Variants in FRY observed in about 807,000 individuals in gnomAD.
The protein encoded by FRY is protein furry homolog.
FRY carries 128 observed loss-of-function variants against 348.4 expected under a neutral mutation model. The observed-to-expected ratio is 0.37, with a 90% CI of 0.32 to 0.43. FRY has a LOEUF of 0.43. FRY is among the 20% of genes least tolerant of loss of function. FRY has a pLI of 1.00. For synonymous variants in FRY, 1,370 were observed against 1,374.7 expected, an observed-to-expected ratio of 1.00 and a Z score of 0.08; for missense variants, 2,736 against 3,695.2, an observed-to-expected ratio of 0.74 and a Z score of 6.73.
At chr13:32,254,846 A>G (rs1374214897) in intron 51 of FRY, among the ~76,000 whole-genome samples, 1 of 152,222 alleles carries the variant, frequency 6.6e-6, no homozygotes, top group Non-Finnish European at 1.5e-5. Context: ...CTGAGGGATC[A>G]AACATTTTTG....
At chr13:32,236,927 T>A (rs185407557) in intron 43 of FRY, among the ~76,000 whole-genome samples, 1 of 152,270 alleles carries the variant, frequency 6.6e-6, no homozygotes, top group African/African-American at 2.4e-5. Context: ...TTAGAAATAA[T>A]TTTTCTTAAA....
At chr13:32,170,566 T>TA (rs1882000152) in intron 17 of FRY, among the ~76,000 whole-genome samples, 1 of 152,246 alleles carries the variant, frequency 6.6e-6, no homozygotes, top group Non-Finnish European at 1.5e-5. Flanking sequence ...AGATGGAGTT[T>TA]AACTCTGTTG....
At position 32,237,332 on chromosome 13, in the gene FRY, G is replaced by A. The variant is rs1364690802; in HGVS notation, c.5811-47G>A. 6.2e-7 allele frequency: 1 copy of A among 1,603,386 alleles called. No individual in the cohort carries two copies. The highest frequency in any genetic ancestry group is 8.5e-7 in the Non-Finnish European group (1 of 1,175,160). On this transcript the variant is annotated intron_variant, in intron 43 of 60. Coordinates refer to ENST00000542859, the MANE Select transcript of FRY (RefSeq NM_023037.3). This position sits in a 1 kb window ranked among gnomAD's most constrained non-coding sequence, Gnocchi z 6.3. Reference sequence around the variant, plus strand: ...GTGGACTTGAAAGGACTGGCTTTTGGTGACACATGTTGGCATCCTATTAAA... The same window carrying A: ...GTGGACTTGAAAGGACTGGCTTTTGATGACACATGTTGGCATCCTATTAAA...
At position 32,237,613 on chromosome 13, in the gene FRY, C is replaced by G. The variant is rs775357769; in HGVS notation, c.6045C>G (p.Ser2015=). The G allele has an allele frequency of 2.0e-5, 32 of 1,614,146 alleles. No individual in the cohort carries two copies. The highest frequency in any genetic ancestry group is 2.6e-5 in the Non-Finnish European group (31 of 1,180,020). Residue 2015 remains serine (S), a synonymous_variant, in exon 44 of 61, where the codon TCC becomes TCG. Coordinates refer to ENST00000542859, the MANE Select transcript of FRY (RefSeq NM_023037.3). The surrounding 1 kb of genome is among the most constrained non-coding windows in gnomAD (Gnocchi z 6.3). ...RIQACTQQGL[S]SKTRSSSSLK... ...AGGCTTGTACCCAACAAGGCCTCTC[C>G]TCAAAAACCAGAAGCTCATCCTCCT...
rs551650285 is a variant in FRY at position 32,061,373 on chromosome 13, G to A, written c.71-17461G>A. Among the ~76,000 whole-genome samples the A allele has an allele frequency of 1.1e-4, 17 of 152,306 alleles. No individual in the cohort carries two copies. The South Asian group carries it at 3.5e-3, about 32-fold the overall frequency. ...GATTGTTATATTTTGGAGGCAAGAT[G>A]TCCTTTTTGTATACGAGCCTGTGGA... On this transcript the variant is annotated intron_variant, in intron 1 of 60. Transcript: ENST00000542859.
At chr13:32,194,452 C>G (rs1390722486) in intron 29 of FRY, among the ~76,000 whole-genome samples, 155 bp downstream of exon 29, 1 of 152,210 alleles carries the variant, frequency 6.6e-6, no homozygotes, top group Non-Finnish European at 1.5e-5. Flanking sequence ...AAACTACTCC[C>G]TGTAAGGTTG....
intron 58 of FRY, among the ~76,000 whole-genome samples, chr13:32,286,286 CTGTTAGGT>C (rs1175940023): frequency 5.9e-5 from 9 of 152,044 alleles, no homozygotes; most frequent in African/African-American, 2.2e-4. Context: ...GGATTAGAAA[CTGTTAGGT>C]CCTTAAATAT....
At chr13:32,215,512 A>G (rs956397198) in intron 35 of FRY, among the ~76,000 whole-genome samples, 7 of 152,226 alleles carry the variant, frequency 4.6e-5, no homozygotes, top group African/African-American at 1.7e-4. Context: ...CAAAATCAAC[A>G]TATATTTATT....
intron 51 of FRY, among the ~76,000 whole-genome samples, chr13:32,256,484 G>A (rs1887344454): frequency 6.6e-6 from 1 of 151,754 alleles, no homozygotes; most frequent in Non-Finnish European, 1.5e-5. Context: ...GCAGTGAGCC[G>A]TGATTGCACC....
At chr13:32,276,197 C>T (rs1346000048) in intron 56 of FRY, among the ~76,000 whole-genome samples, 4 of 152,018 alleles carry the variant, frequency 2.6e-5, no homozygotes, top group Non-Finnish European at 5.9e-5. Context: ...TTAGTGTGGG[C>T]CTTTATGAAA....
intron 3 of FRY, among the ~76,000 whole-genome samples, chr13:32,108,860 A>G (rs546791299): frequency 1.3e-5 from 2 of 152,334 alleles, no homozygotes; most frequent in African/African-American, 2.4e-5. Context: ...TCCATTGTAA[A>G]CAAACATTTC....
At chr13:32,049,664 G>A (rs2138396051) in intron 1 of FRY, among the ~76,000 whole-genome samples, 1 of 152,300 alleles carries the variant, frequency 6.6e-6, no homozygotes, top group South Asian at 2.1e-4. Flanking sequence ...TCTGCACTGA[G>A]AATGGAGGTA....
chr13:32,243,305 T>TA (rs1266019592), intron 46 of FRY, among the ~76,000 whole-genome samples: 9 of 152,224 alleles, frequency 5.9e-5, no homozygotes, highest in African/African-American at 1.7e-4. Context: ...ATATATCCAT[T>TA]TCCCTAGCGT....
chr13:32,207,077 C>T (rs1462651291), intron 31 of FRY, among the ~76,000 whole-genome samples: 1 of 152,184 alleles, frequency 6.6e-6, no homozygotes, highest in East Asian at 1.9e-4. Flanking sequence ...CTCAGGCATA[C>T]ATCCCTACCC....
chr13:32,172,460 G>T (rs1221723890), intron 18 of FRY, among the ~76,000 whole-genome samples: 4 of 152,200 alleles, frequency 2.6e-5, no homozygotes, highest in South Asian at 4.1e-4. Context: ...CCACGGAGAG[G>T]ACAGTGCAGT....
chr13:32,211,683 C>T (rs1467317308), intron 34 of FRY, among the ~76,000 whole-genome samples: 1 of 152,068 alleles, frequency 6.6e-6, no homozygotes, highest in East Asian at 1.9e-4. Context: ...ATTAAAATTC[C>T]CCCCAAAAGT....
At chr13:32,290,308 T>C (rs1202945690) in intron 59 of FRY, among the ~76,000 whole-genome samples, 1 of 152,180 alleles carries the variant, frequency 6.6e-6, no homozygotes, top group Non-Finnish European at 1.5e-5. Flanking sequence ...AGTGGAATAA[T>C]GGTGCTGTAT....
At chr13:32,163,003 G>T (rs1047532074) in intron 17 of FRY, among the ~76,000 whole-genome samples, 1 of 152,198 alleles carries the variant, frequency 6.6e-6, no homozygotes, top group African/African-American at 2.4e-5. Context: ...TTAGGGGCTG[G>T]GGGAAGCTGA....
chr13:32,117,894 T>C (rs1593632268), intron 4 of FRY, among the ~76,000 whole-genome samples: 1 of 152,154 alleles, frequency 6.6e-6, no homozygotes, highest in African/African-American at 2.4e-5. Context: ...TGGACGTTAG[T>C]GGTAGTCCTG....
Sources: gnomAD v4.1 joint callset for allele counts (sites outside exome capture counted in the v4.1 genomes callset) on GRCh38, gnomAD v4.1.1 for gene constraint, Gnocchi (gnomAD v3.1) non-coding constraint, MANE v1.5 for transcripts, NCBI Gene and HGNC (gene_info 2026-07-23, HGNC 2026-07-21) for gene names.